Variants in DPH1 observed in about 807,000 individuals in gnomAD.
DPH1 encodes the protein 2-(3-amino-3-carboxypropyl)histidine synthase subunit 1.
A neutral mutation model predicts 55.3 loss-of-function variants in DPH1; 59 were observed. The ratio of observed to expected loss-of-function variants is 1.07; its 90% CI spans 0.87 to 1.33. DPH1 has a LOEUF of 1.33. Among genes scored for constraint, DPH1 ranks in the 40% most tolerant of loss-of-function variants. The probability of loss-of-function intolerance (pLI) is 0.00; values close to 1 mark genes in which losing one functional copy is unlikely to be tolerated. For missense variants in DPH1, 628 were observed against 584.8 expected (o/e 1.07, Z -0.76); for synonymous variants, 238 against 235.5 (o/e 1.01, Z -0.10).
rs769334106 is a variant in DPH1, at chr17:2,033,642, G to T, written c.199G>T (p.Ala67Ser). The T allele has an allele frequency of 6.2e-7, 1 of 1,614,102 alleles. No individual in the cohort carries two copies. The highest frequency in any genetic ancestry group is 2.2e-5 in the East Asian group (1 of 44,902). ...IPKTIWRIQQAQAKKVALQMP... is the reference protein window; with the variant it reads ...IPKTIWRIQQSQAKKVALQMP... The stretch of plus-strand genomic sequence containing the variant: ...CAAGACCATCTGGAGGATCCAACAA[G>T]CCCAGGCCAAGAAGGGTGAGCCTGT... The change falls in exon 2 of 13, where the codon GCC (alanine) becomes TCC (serine). Residue 67 changes from alanine to serine, a missense_variant. Transcript: ENST00000263083.
intron 3 of DPH1, among the ~76,000 whole-genome samples, chr17:2,035,176 C>G (rs1368938173): frequency 1.3e-5 from 2 of 151,970 alleles, no homozygotes; most frequent in Admixed American, 6.5e-5. Context: ...GTGTGAGTCT[C>G]TTTCAAGGAA....
intron 1 of DPH1, among the ~76,000 whole-genome samples, chr17:2,032,743 T>A (rs2067347463): frequency 6.6e-6 from 1 of 152,198 alleles, no homozygotes; most frequent in East Asian, 1.9e-4. Flanking sequence ...GTTTTTATTT[T>A]ATTTATTTAT....
At position 2,033,868 on chromosome 17, in the gene DPH1, G is replaced by A. The variant is rs527565762; in HGVS notation, c.278+26G>A. 12 of 1,613,386 alleles carry A rather than the reference G, an allele frequency of 7.4e-6. No individual in the cohort carries two copies. In the South Asian group the frequency reaches 8.8e-5, roughly 12 times the overall value. On this transcript the variant is annotated intron_variant, in intron 3 of 12. Transcript: ENST00000263083. ...GTGAGGCTTGGGGCACTGGAGAGGA[G>A]GGTGAGCCAGGCTTCCCCCACCCCC...
chr17:2,041,767 G>A lies in DPH1; in HGVS notation c.1228-1G>A, dbSNP rs772730298. On this transcript the variant is annotated splice_acceptor_variant, in intron 11 of 12. Transcript: ENST00000263083. LOFTEE classifies it high-confidence loss of function. Reference sequence around the variant, plus strand: ...ACCCTAACCAAAGTCTGCGACCTCAGGTGCAGGAGGGGTCCGCGCGTCCCC... The same window carrying A: ...ACCCTAACCAAAGTCTGCGACCTCAAGTGCAGGAGGGGTCCGCGCGTCCCC... 5.6e-6 allele frequency: 9 copies of A among 1,603,510 alleles called. No individual in the cohort carries two copies. The highest frequency in any genetic ancestry group is 7.7e-6 in the Non-Finnish European group (9 of 1,175,652).
chr17:2,032,975 G>A lies in DPH1; in HGVS notation c.62-530G>A, dbSNP rs536141672. ...TCTCGATCTCCTGATCTCGTGATCC[G>A]CCCGCCTCAGCCTCCCAAAGTGCTG... On this transcript the variant is annotated intron_variant, in intron 1 of 12. Transcript: ENST00000263083. Among the ~76,000 whole-genome samples, 14 of 152,220 alleles carry A rather than the reference G, an allele frequency of 9.2e-5. No homozygotes were observed. The East Asian group carries it at 1.5e-3, about 17-fold the overall frequency.
In DPH1 at chr17:2,042,979, AGT is replaced by A. The variant is rs1199981951; in HGVS notation, c.*397_*398del. On this transcript the variant is annotated 3_prime_UTR_variant, in exon 13 of 13. Coordinates refer to ENST00000263083, the MANE Select transcript of DPH1 (RefSeq NM_001383.6). ...TGACAAAGTCATCCCCTCTCAGGAG[AGT>A]GTGCAACTGGCCAGCCAATTTCCCG... The A allele has an allele frequency of 6.2e-7, 1 of 1,613,912 alleles. No individual in the cohort carries two copies. The highest frequency in any genetic ancestry group is 8.5e-7 in the Non-Finnish European group (1 of 1,180,022).
intron 12 of DPH1, 160 bp from the exon 13 acceptor site, chr17:2,042,445 C>G: frequency 7.8e-7 from 1 of 1,283,562 alleles, no homozygotes; most frequent in Non-Finnish European, 1.0e-6. Flanking sequence ...GTCTCCTGTT[C>G]AGGCCAATCC....
At chr17:2,035,872 G>A (rs2067415978) in intron 3 of DPH1, 98 bp from the exon 4 acceptor site, 20 of 1,547,370 alleles carry the variant, frequency 1.3e-5, no homozygotes, top group Non-Finnish European at 1.8e-5. Flanking sequence ...GAGGTAGGGA[G>A]AGAGGAGCTG....
chr17:2,030,926 C>G (rs2067322951), intron 1 of DPH1, among the ~76,000 whole-genome samples: 1 of 152,296 alleles, frequency 6.6e-6, no homozygotes, highest in East Asian at 1.9e-4. Flanking sequence ...CCCCAGCCTC[C>G]GCTGGACCAT....
At chr17:2,030,670 C>T (rs528062721) in intron 1 of DPH1, among the ~76,000 whole-genome samples, 4 of 152,332 alleles carry the variant, frequency 2.6e-5, no homozygotes, top group South Asian at 4.1e-4. Context: ...AATCAGAGAT[C>T]TCAGTCTACT....
At chr17:2,038,821 A>G (rs995910951) in intron 6 of DPH1, 1 of 152,042 alleles carries the variant, frequency 6.6e-6, no homozygotes, top group African/African-American at 2.4e-5. Flanking sequence ...CCAACTTCCA[A>G]ATGAGGATCT....
chr17:2,041,762 C>A lies in DPH1; in HGVS notation c.1228-6C>A. On this transcript the variant is annotated splice_polypyrimidine_tract_variant and splice_region_variant and intron_variant, in intron 11 of 12. Transcript: ENST00000263083. ...GCGAGACCCTAACCAAAGTCTGCGA[C>A]CTCAGGTGCAGGAGGGGTCCGCGCG... is the stretch of plus-strand genomic sequence containing the variant. 6.2e-7 allele frequency: 1 copy of A among 1,602,502 alleles called. No homozygotes were observed. Among genetic ancestry groups the A allele is most frequent in the Non-Finnish European group, 8.5e-7 (1 of 1,175,102 alleles).
intron 1 of DPH1, among the ~76,000 whole-genome samples, chr17:2,032,934 G>A (rs1308034105): frequency 1.3e-5 from 2 of 152,016 alleles, no homozygotes; most frequent in Admixed American, 6.6e-5. Context: ...GTATTTCCCC[G>A]TGTTAGCCAG....
At chr17:2,032,774 C>T (rs552044749) in intron 1 of DPH1, among the ~76,000 whole-genome samples, 3 of 152,306 alleles carry the variant, frequency 2.0e-5, no homozygotes, top group South Asian at 2.1e-4. Context: ...GATGGTGTCT[C>T]GCTCTGTTGC....
At chr17:2,037,311 C>G (rs913539653) in intron 6 of DPH1, 2 of 179,128 alleles carry the variant, frequency 1.1e-5, no homozygotes, top group African/African-American at 4.7e-5. Flanking sequence ...GCAGAAGCAG[C>G]GTGTCTCCTG....
At chr17:2,031,877 A>G (rs147092428) in intron 1 of DPH1, among the ~76,000 whole-genome samples, 444 of 152,282 alleles carry the variant, frequency 2.9e-3, no homozygotes, top group Non-Finnish European at 4.8e-3. Context: ...AATTATGTGT[A>G]TACCTGTCTT....
chr17:2,031,317 C>G (rs1026951549), intron 1 of DPH1, among the ~76,000 whole-genome samples: 22 of 151,970 alleles, frequency 1.4e-4, no homozygotes, highest in South Asian at 4.2e-4. Context: ...TCCCAGCACT[C>G]TGGGAGGCTG....
chr17:2,041,732 C>T lies in DPH1; in HGVS notation c.1228-36C>T, dbSNP rs777720195. On this transcript the variant is annotated intron_variant, in intron 11 of 12. Transcript: ENST00000263083. ...CGGAGCGGAGGGAAACGCAGGGTCGCAGGAGCGAGACCCTAACCAAAGTCT... is the reference window on the plus strand; with the variant it reads ...CGGAGCGGAGGGAAACGCAGGGTCGTAGGAGCGAGACCCTAACCAAAGTCT... 4 of 1,587,836 alleles carry T rather than the reference C, an allele frequency of 2.5e-6. No individual in the cohort carries two copies. The Admixed American group carries it at 7.2e-5, about 28-fold the overall frequency.
At chr17:2,040,950 G>C (rs2067509826) in intron 9 of DPH1, 153 bp from the exon 10 acceptor site, 2 of 768,790 alleles carry the variant, frequency 2.6e-6, no homozygotes, top group Non-Finnish European at 4.3e-6. Flanking sequence ...CAACAATACA[G>C]TATTCCAAAC....
Sources: gnomAD v4.1 joint callset for allele counts (sites outside exome capture counted in the v4.1 genomes callset) on GRCh38, gnomAD v4.1.1 for gene constraint, MANE v1.5 for transcripts, NCBI Gene and HGNC (gene_info 2026-07-23, HGNC 2026-07-21) for gene names.